The following KCND2 variants were observed in gnomAD, a reference collection of about 807,000 sequenced individuals.
KCND2 encodes the protein potassium voltage-gated channel subfamily D member 2.
A neutral mutation model predicts 54.4 loss-of-function variants in KCND2; 16 were observed. That is an observed-to-expected ratio of 0.29 (90% CI 0.20 to 0.45). The LOEUF (loss-of-function observed/expected upper bound fraction) is 0.45, where lower values mean the gene tolerates loss of function less well. Among genes scored for constraint, KCND2 ranks in the 20% least tolerant of loss-of-function variants. The pLI is 1.00. For missense variants in KCND2, 486 were observed against 824.2 expected (o/e 0.59, Z 5.02); for synonymous variants, 317 against 310.7 (o/e 1.02, Z -0.21).
At chr7:120,521,325 A>T (rs536402510) in intron 1 of KCND2, among the ~76,000 whole-genome samples, 2 of 152,208 alleles carry the variant, frequency 1.3e-5, no homozygotes, top group African/African-American at 4.8e-5. Context: ...TAAAAAAAAA[A>T]TTATTTTAGG....
At chr7:120,701,240 T>TA (rs34803439) in intron 1 of KCND2, among the ~76,000 whole-genome samples, 1,448 of 55,114 alleles carry the variant, frequency 0.026, 297 homozygotes, top group Middle Eastern at 0.086. Context: ...AATGCCTAGC[T>TA]AAAAAAAAAA....
At chr7:120,668,905 C>T (rs1204017702) in intron 1 of KCND2, among the ~76,000 whole-genome samples, 1 of 151,854 alleles carries the variant, frequency 6.6e-6, no homozygotes, top group African/African-American at 2.4e-5. Flanking sequence ...TTATCTAGGA[C>T]CAGTTACAAA....
chr7:120,744,262 CAATA>C (rs569691252), intron 4 of KCND2, among the ~76,000 whole-genome samples: 2 of 151,896 alleles, frequency 1.3e-5, no homozygotes, highest in South Asian at 2.1e-4. Flanking sequence ...GACTCTGTCT[CAATA>C]AATAAATAAA....
chr7:120,486,479 G>A (rs144680838), intron 1 of KCND2, among the ~76,000 whole-genome samples: 455 of 152,064 alleles, frequency 3.0e-3, no homozygotes, highest in African/African-American at 0.011. Context: ...TTAAGATAGG[G>A]GTTAGTTAGC....
intron 1 of KCND2, among the ~76,000 whole-genome samples, chr7:120,615,085 T>A (rs1273781825): frequency 6.6e-6 from 1 of 152,220 alleles, no homozygotes; most frequent in Non-Finnish European, 1.5e-5. Flanking sequence ...GTGATGTTTT[T>A]TAACCAAGAT....
At chr7:120,687,747 TAAAAC>T (rs1267798625) in intron 1 of KCND2, among the ~76,000 whole-genome samples, 1 of 152,192 alleles carries the variant, frequency 6.6e-6, no homozygotes, top group Non-Finnish European at 1.5e-5. Context: ...TTTAAAATGA[TAAAAC>T]ATAATACTAA....
chr7:120,521,116 C>G (rs552271631), intron 1 of KCND2, among the ~76,000 whole-genome samples: 1 of 151,880 alleles, frequency 6.6e-6, no homozygotes, highest in East Asian at 1.9e-4. Context: ...CAGATTAAGC[C>G]CTGTTAAAAT....
intron 1 of KCND2, among the ~76,000 whole-genome samples, chr7:120,296,597 A>G (rs1799516753): frequency 6.6e-6 from 1 of 152,138 alleles, no homozygotes; most frequent in Non-Finnish European, 1.5e-5. Flanking sequence ...AAATGGTCTA[A>G]TAATGAATTC....
intron 1 of KCND2, among the ~76,000 whole-genome samples, chr7:120,399,062 A>G (rs184698481): frequency 2.0e-4 from 30 of 152,012 alleles, no homozygotes; most frequent in Admixed American, 6.6e-4. Flanking sequence ...CCCACTTTAC[A>G]TTATCTTAAA....
chr7:120,624,354 C>A (rs1252719127), intron 1 of KCND2, among the ~76,000 whole-genome samples: 1 of 152,158 alleles, frequency 6.6e-6, no homozygotes, highest in South Asian at 2.1e-4. Context: ...TGGATTTAGC[C>A]ATCTCCAGAC....
intron 1 of KCND2, among the ~76,000 whole-genome samples, chr7:120,584,151 A>G (rs1792557800): frequency 6.6e-6 from 1 of 152,252 alleles, no homozygotes; most frequent in Non-Finnish European, 1.5e-5. Flanking sequence ...CTCATGCTGT[A>G]ATAATATAAA....
chr7:120,393,024 G>A (rs912599294), intron 1 of KCND2, among the ~76,000 whole-genome samples: 2 of 151,912 alleles, frequency 1.3e-5, no homozygotes, highest in African/African-American at 4.8e-5. Context: ...ATTGTAATAA[G>A]GATGTTTGAC....
chr7:120,341,892 C>T (rs1005958218), intron 1 of KCND2, among the ~76,000 whole-genome samples: 39 of 152,000 alleles, frequency 2.6e-4, no homozygotes, highest in African/African-American at 9.2e-4. Flanking sequence ...TATAATCTGC[C>T]GACCAGAGAT....
chr7:120,606,491 A>G (rs1374866714), intron 1 of KCND2, among the ~76,000 whole-genome samples: 3 of 151,960 alleles, frequency 2.0e-5, no homozygotes, highest in African/African-American at 7.2e-5. Context: ...ATTTTCTTCT[A>G]TGACTTTTAT....
intron 1 of KCND2, among the ~76,000 whole-genome samples, chr7:120,412,138 A>G (rs913365363): frequency 3.3e-5 from 5 of 152,216 alleles, no homozygotes; most frequent in Admixed American, 3.3e-4. Flanking sequence ...CAATAAAGGG[A>G]CTGATTTATA....
intron 1 of KCND2, among the ~76,000 whole-genome samples, chr7:120,324,020 G>A (rs1172897914): frequency 2.0e-5 from 3 of 147,294 alleles, no homozygotes; most frequent in Admixed American, 6.8e-5. Context: ...ATCTCATTGT[G>A]GTTTTGATTT....
chr7:120,536,707 A>G (rs1054282842), intron 1 of KCND2, among the ~76,000 whole-genome samples: 105 of 152,168 alleles, frequency 6.9e-4, no homozygotes, highest in Admixed American at 6.9e-3. Context: ...CTTCGATCAC[A>G]GGATGGCAGC....
intron 1 of KCND2, among the ~76,000 whole-genome samples, chr7:120,577,506 G>A (rs566325576): frequency 6.6e-6 from 1 of 152,074 alleles, no homozygotes; most frequent in Non-Finnish European, 1.5e-5. Flanking sequence ...GCCTGTGTAA[G>A]AGAAACTAAG....
At chr7:120,694,652 T>G (rs1792311449) in intron 1 of KCND2, among the ~76,000 whole-genome samples, 1 of 152,150 alleles carries the variant, frequency 6.6e-6, no homozygotes, top group African/African-American at 2.4e-5. Flanking sequence ...CTATTTCATG[T>G]TGACATTATT....
Sources: allele counts gnomAD v4.1 joint callset (sites outside exome capture counted in the v4.1 genomes callset), GRCh38; gene constraint gnomAD v4.1.1; transcripts MANE v1.5; gene names NCBI Gene and HGNC (gene_info 2026-07-23, HGNC 2026-07-21).